Variants in ANKFY1 observed in about 807,000 individuals in gnomAD.
ANKFY1 encodes the protein ankyrin repeat and FYVE domain containing 1.
In ANKFY1, 47 loss-of-function variants were observed where a neutral mutation model predicts 128.3. That is an observed-to-expected ratio of 0.37 (90% CI 0.29 to 0.47). The LOEUF is 0.47. ANKFY1 is among the 20% of genes least tolerant of loss of function. The pLI is 1.00. For missense variants in ANKFY1, 1,222 were observed against 1,510.6 expected (o/e 0.81, Z 3.17); for synonymous variants, 553 against 601.6 (o/e 0.92, Z 1.18).
At chr17:4,213,738 TA>T (rs1453416320) in intron 4 of ANKFY1, among the ~76,000 whole-genome samples, 2 of 152,002 alleles carry the variant, frequency 1.3e-5, no homozygotes, top group Non-Finnish European at 2.9e-5. Flanking sequence ...CACGCCCAGC[TA>T]ATTTTTTGTA....
At chr17:4,225,883 T>C (rs1226455245) in intron 3 of ANKFY1, among the ~76,000 whole-genome samples, 1 of 152,050 alleles carries the variant, frequency 6.6e-6, no homozygotes, top group Non-Finnish European at 1.5e-5. Context: ...ACCTCAACCT[T>C]CTAAGTAACT....
intron 3 of ANKFY1, among the ~76,000 whole-genome samples, chr17:4,229,647 C>T (rs941340950): frequency 1.3e-5 from 2 of 152,098 alleles, no homozygotes; most frequent in Admixed American, 1.3e-4. Context: ...AACCCAAAAG[C>T]AGTATGAGGA....
chr17:4,259,740 T>C (rs1180502416), intron 1 of ANKFY1, among the ~76,000 whole-genome samples: 1 of 152,226 alleles, frequency 6.6e-6, no homozygotes, highest in African/African-American at 2.4e-5. Flanking sequence ...CTTTTCTTGA[T>C]GGCTAGCAGG....
intron 1 of ANKFY1, chr17:4,263,479 C>T (rs904264896): frequency 1.3e-6 from 1 of 797,426 alleles, no homozygotes; most frequent in Admixed American, 2.7e-5. Context: ...CCCCACCCCA[C>T]CTCACCCCAA....
intron 7 of ANKFY1, among the ~76,000 whole-genome samples, chr17:4,201,500 T>G (rs2059928019): frequency 1.1e-5 from 1 of 90,678 alleles, no homozygotes; most frequent in Non-Finnish European, 2.4e-5. Flanking sequence ...TTTTTTTTTT[T>G]TTTGTATTCA....
Position 4,180,239 on chromosome 17 carries a change from C to A in ANKFY1, c.2241-362G>T, listed in dbSNP as rs531544580. ...GGTCAGGAGTCCACGACCAGCCTGG[C>A]CAACGTGACGAAACCCCCTCTCTGC... is the stretch of plus-strand genomic sequence containing the variant. On this transcript the variant is annotated intron_variant, in intron 16 of 24. Transcript: ENST00000341657. 5.5e-5 allele frequency: 10 copies of A among 182,160 alleles called. No homozygotes were observed. The East Asian group carries it at 1.0e-3, about 19-fold the overall frequency. 11.3% of individuals were successfully genotyped at this position (182,160 alleles called of 1,614,324 possible).
At chr17:4,199,873 A>C (rs2059896069) in intron 7 of ANKFY1, among the ~76,000 whole-genome samples, 1 of 152,222 alleles carries the variant, frequency 6.6e-6, no homozygotes, top group Admixed American at 6.5e-5. Context: ...TAAAACACGC[A>C]AACACCATGT....
At position 4,216,986 on chromosome 17, in the gene ANKFY1, T is replaced by G; in HGVS notation, c.455A>C (p.Glu152Ala). 1 of 1,614,132 alleles carries G rather than the reference T, an allele frequency of 6.2e-7. No homozygotes were observed. Among genetic ancestry groups the G allele is most frequent in the Non-Finnish European group, 8.5e-7 (1 of 1,180,008 alleles). The change falls in exon 4 of 25, where the codon GAG (glutamate) becomes GCG (alanine). Residue 152 changes from glutamate (E) to alanine (A), a missense_variant. Glu to Ala is a moderately radical substitution (Grantham distance 107). Coordinates refer to ENST00000341657, the MANE Select transcript of ANKFY1 (RefSeq NM_001330063.2). ...ANRFQLQLLR[E>A]RCEKGVMSLV... Reference sequence around the variant, plus strand: ...GAATATATCTGCTGTGACTTGCCTCTCCCTGAGGAGCTGTAGCTGAAACCG... The same window carrying G: ...GAATATATCTGCTGTGACTTGCCTCGCCCTGAGGAGCTGTAGCTGAAACCG...
At chr17:4,206,975 C>A (rs549154996) in intron 6 of ANKFY1, among the ~76,000 whole-genome samples, 2 of 152,288 alleles carry the variant, frequency 1.3e-5, no homozygotes, top group African/African-American at 2.4e-5. Context: ...AATTATCACC[C>A]CCCCCAAAGA....
At chr17:4,239,688 G>T (rs534544634) in intron 2 of ANKFY1, among the ~76,000 whole-genome samples, 1 of 152,150 alleles carries the variant, frequency 6.6e-6, no homozygotes, top group South Asian at 2.1e-4. Context: ...ACAGGCGCGT[G>T]CCACCACATG....
intron 1 of ANKFY1, among the ~76,000 whole-genome samples, chr17:4,255,513 G>C (rs537062403): frequency 6.6e-6 from 1 of 152,062 alleles, no homozygotes; most frequent in Non-Finnish European, 1.5e-5. Flanking sequence ...GCCTCCCAAA[G>C]TGCTGGGATT....
intron 17 of ANKFY1, 148 bp downstream of exon 17, chr17:4,179,573 C>G: frequency 9.6e-7 from 1 of 1,046,326 alleles, no homozygotes; most frequent in Non-Finnish European, 1.4e-6. Context: ...CACAGTCAGC[C>G]TGAAATCATG....
chr17:4,234,361 G>A, intron 3 of ANKFY1, among the ~76,000 whole-genome samples: 1 of 152,060 alleles, frequency 6.6e-6, no homozygotes, highest in Non-Finnish European at 1.5e-5. Context: ...AGTCAGGCAA[G>A]TACTAAATGA....
Position 4,182,340 on chromosome 17 carries a change from G to A in ANKFY1, c.1962C>T (p.Asp654=), listed in dbSNP as rs1383565492. ...TGGCCAGCTGGAGGGCTGTCTCCCC[G>A]TCCTGAGTCCTGCTAGGACATGCAC... The part of the protein sequence containing the change: ...HQADINVRTQ[D]GETALQLAIR... The change falls in exon 15 of 25, where the codon GAC becomes GAT. Residue 654 remains aspartate, a synonymous_variant. Coordinates refer to ENST00000341657, the MANE Select transcript of ANKFY1 (RefSeq NM_001330063.2). 5.1e-6 allele frequency: 8 copies of A among 1,572,094 alleles called. No individual in the cohort carries two copies. The highest frequency in any genetic ancestry group is 4.6e-5 in the East Asian group (2 of 43,542).
intron 11 of ANKFY1, chr17:4,187,104 A>G (rs2059626100): frequency 7.5e-6 from 7 of 932,446 alleles, no homozygotes; most frequent in South Asian, 5.6e-5. Context: ...CCGTCACCTG[A>G]GCAGTGTACA....
At position 4,180,203 on chromosome 17, in the gene ANKFY1, G is replaced by C; in HGVS notation, c.2241-326C>G. The C allele has an allele frequency of 1.1e-5, 3 of 273,674 alleles. No homozygotes were observed. In the South Asian group the frequency reaches 1.5e-4, roughly 14 times the overall value. The allele number at this position is 273,674 out of a possible 1,614,324, so 17.0% of individuals were successfully genotyped here. On this transcript the variant is annotated intron_variant, in intron 16 of 24. Transcript: ENST00000341657. ...AGCACTTTGGGAGGCCGAGGCAGGT[G>C]GATCACCTCAGGTCAGGAGTCCACG...
At chr17:4,179,207 G>T in intron 17 of ANKFY1, 150 bp from the exon 18 acceptor site, 1 of 811,346 alleles carries the variant, frequency 1.2e-6, no homozygotes, top group South Asian at 1.7e-5. Flanking sequence ...AGAGGCCAAA[G>T]AGAAATGACT....
At chr17:4,176,932 A>G (rs2059420300) in intron 19 of ANKFY1, among the ~76,000 whole-genome samples, 194 bp downstream of exon 19, 1 of 152,214 alleles carries the variant, frequency 6.6e-6, no homozygotes. Context: ...AGCATCTGGC[A>G]GCCCACGCAG....
intron 1 of ANKFY1, among the ~76,000 whole-genome samples, chr17:4,247,892 C>A (rs926233622): frequency 6.6e-6 from 1 of 152,136 alleles, no homozygotes; most frequent in African/African-American, 2.4e-5. Flanking sequence ...TAGAATACAA[C>A]CTGCTCTGCA....
Sources: gnomAD v4.1 joint callset for allele counts (sites outside exome capture counted in the v4.1 genomes callset) on GRCh38, gnomAD v4.1.1 for gene constraint, MANE v1.5 for transcripts, NCBI Gene and HGNC (gene_info 2026-07-23, HGNC 2026-07-21) for gene names.